Variants in KCNH2 observed in about 807,000 individuals in gnomAD.
KCNH2 encodes voltage-gated inwardly rectifying potassium channel KCNH2.
A neutral mutation model predicts 95.9 loss-of-function variants in KCNH2; 35 were observed. That is an observed-to-expected ratio of 0.37 (90% CI 0.28 to 0.48). The LOEUF is 0.48. KCNH2 is among the 20% of genes least tolerant of loss of function. The probability of loss-of-function intolerance (pLI) is 0.99; values close to 1 mark genes in which losing one functional copy is unlikely to be tolerated. For missense variants in KCNH2, 1,274 were observed against 1,702.9 expected (o/e 0.75, Z 4.43); for synonymous variants, 786 against 754.7 (o/e 1.04, Z -0.68).
chr7:150,969,764 A>G (rs1480447513), intron 2 of KCNH2, among the ~76,000 whole-genome samples: 4 of 152,082 alleles, frequency 2.6e-5, no homozygotes, highest in African/African-American at 9.7e-5. Context: ...GGGACAGGGA[A>G]CCTCCTCCAG....
intron 2 of KCNH2, among the ~76,000 whole-genome samples, chr7:150,965,556 G>T (rs1186732793): frequency 6.6e-6 from 1 of 152,124 alleles, no homozygotes; most frequent in Non-Finnish European, 1.5e-5. Context: ...CCCAGCTTCA[G>T]CCCTTCCCTC....
chr7:150,947,235 CACAG>C (rs1442883717), intron 13 of KCNH2, 89 bp downstream of exon 13: 10 of 1,210,784 alleles, frequency 8.3e-6, no homozygotes, highest in South Asian at 2.9e-5. Context: ...CTGCTGCACA[CACAG>C]ACAGGCCCTC....
At position 150,974,779 on chromosome 7, in the gene KCNH2, G is replaced by A. The variant is rs199473493; in HGVS notation, c.239C>T (p.Ala80Val). ...GCCCAGCAGTGCCTGCGCGATCTGC[G>A]CGGCAGCGCGGCGCTGCGTGCGCGG... is the stretch of plus-strand genomic sequence containing the variant. Reference protein sequence around the residue: ...HGPRTQRRAAAQIAQALLGAE... With the variant: ...HGPRTQRRAAVQIAQALLGAE... Residue 80 changes from alanine (A) to valine (V), a missense_variant, in exon 2 of 15, where the codon GCG (alanine) becomes GTG (valine). Ala to Val is a moderately conservative substitution (Grantham distance 64). Coordinates refer to ENST00000262186, the MANE Select transcript of KCNH2 (RefSeq NM_000238.4). The A allele has an allele frequency of 6.2e-7, 1 of 1,605,326 alleles. No individual in the cohort carries two copies. Among genetic ancestry groups the A allele is most frequent in the Admixed American group, 1.7e-5 (1 of 59,454 alleles).
At position 150,955,533 on chromosome 7, in the gene KCNH2, C is replaced by T. The variant is rs760221388; in HGVS notation, c.1128+1758G>A. On this transcript the variant is annotated intron_variant, in intron 5 of 14. Coordinates refer to ENST00000262186, the MANE Select transcript of KCNH2 (RefSeq NM_000238.4). ...GACTTGGCTCCCTGCAGCCTGCCTG[C>T]CCTGGGGCCTGAGGGCCCGGCCACT... is the stretch of plus-strand genomic sequence containing the variant. The T allele has an allele frequency of 5.2e-6, 8 of 1,530,416 alleles. No homozygotes were observed. The South Asian group carries it at 8.5e-5, about 16-fold the overall frequency. 94.8% of individuals were successfully genotyped at this position (1,530,416 alleles called of 1,614,324 possible).
Position 150,945,839 on chromosome 7 carries a change from G to C in KCNH2, c.3331-325C>G, listed in dbSNP as rs1249148164. Among the ~76,000 whole-genome samples, 6 of 152,210 alleles carry C rather than the reference G, an allele frequency of 3.9e-5. No homozygotes were observed. The highest frequency in any genetic ancestry group is 3.9e-4 in the Admixed American group (6 of 15,282). On this transcript the variant is annotated intron_variant, in intron 14 of 14. Transcript: ENST00000262186. The surrounding 1 kb of genome is among the most constrained non-coding windows in gnomAD (Gnocchi z 5.6). Reference sequence around the variant, plus strand: ...TGGCCGCTGAGCCCAACCCAACCTGGAACAAGCAGTCTCTGTGTTGGGACA... The same window carrying C: ...TGGCCGCTGAGCCCAACCCAACCTGCAACAAGCAGTCTCTGTGTTGGGACA...
chr7:150,947,184 G>T, intron 13 of KCNH2, 130 bp from the exon 14 acceptor site: 3 of 1,098,512 alleles, frequency 2.7e-6, no homozygotes, highest in Non-Finnish European at 3.9e-6. Context: ...TAGAGGTGTG[G>T]CAGCCCCCAG....
chr7:150,955,685 C>T, intron 5 of KCNH2: 2 of 1,376,182 alleles, frequency 1.5e-6, no homozygotes, highest in Non-Finnish European at 1.9e-6. Flanking sequence ...CTGGGGTCAC[C>T]CTGGCAGTAA....
rs777341700 is a variant in KCNH2 at position 150,950,910 on chromosome 7, G to C, written c.2145+11C>G. 3.1e-6 allele frequency: 5 copies of C among 1,613,224 alleles called. No homozygotes were observed. The highest frequency in any genetic ancestry group is 4.2e-6 in the Non-Finnish European group (5 of 1,179,540). On this transcript the variant is annotated intron_variant, in intron 8 of 14. Coordinates refer to ENST00000262186, the MANE Select transcript of KCNH2 (RefSeq NM_000238.4). ...GCCTGCCACCCACTGGCCACGCTCT[G>C]GTGGCCTCACCGCGTTCATGTCGAT...
At chr7:150,973,632 CTG>C (rs1472697248) in intron 2 of KCNH2, among the ~76,000 whole-genome samples, 1 of 152,210 alleles carries the variant, frequency 6.6e-6, no homozygotes, top group Admixed American at 6.5e-5. Context: ...ATGCCACAGA[CTG>C]TGCACGCCTG....
rs1044631780 is a variant in KCNH2 at position 150,955,782 on chromosome 7, C to T, written c.1128+1509G>A. ...CAGGGTGCCGTGCTCTGCCCGCCCG[C>T]CAGCCCAGCAGCGGCCGCACTCGGA... On this transcript the variant is annotated intron_variant, in intron 5 of 14. Transcript: ENST00000262186. 1.0e-5 allele frequency: 12 copies of T among 1,200,536 alleles called. No homozygotes were observed. In the Middle Eastern group the frequency reaches 9.9e-4, roughly 99 times the overall value. 74.4% of individuals were successfully genotyped at this position (1,200,536 alleles called of 1,614,324 possible). A position where few individuals can be genotyped will look rare whatever the true frequency, so the allele number is the denominator to read the frequency against.
intron 2 of KCNH2, among the ~76,000 whole-genome samples, chr7:150,965,637 G>A (rs1801683517): frequency 6.6e-6 from 1 of 152,136 alleles, no homozygotes. Context: ...CTCTAGAAAG[G>A]TTTCCTTGAC....
intron 10 of KCNH2, 136 bp from the exon 11 acceptor site, chr7:150,948,679 T>C (rs1584847464): frequency 4.6e-6 from 5 of 1,082,282 alleles, no homozygotes; most frequent in Middle Eastern, 4.0e-4. Context: ...CTGCCCCCAA[T>C]GTGATTTTGC....
At chr7:150,968,229 G>A (rs566604082) in intron 2 of KCNH2, among the ~76,000 whole-genome samples, 1 of 152,190 alleles carries the variant, frequency 6.6e-6, no homozygotes, top group Non-Finnish European at 1.5e-5. Flanking sequence ...CATGTCCCGC[G>A]ATCCAGCAAT....
intron 2 of KCNH2, among the ~76,000 whole-genome samples, chr7:150,966,053 C>T (rs1392619175): frequency 1.3e-5 from 2 of 152,190 alleles, no homozygotes; most frequent in African/African-American, 4.8e-5. Context: ...GCTGAGCACC[C>T]AGGAACCCAA....
chr7:150,951,140 G>A lies in KCNH2; in HGVS notation c.1946-20C>T, dbSNP rs751915754. The stretch of plus-strand genomic sequence containing the variant: ...TGAGGGCTGGGGGCGTGGGCACGTG[G>A]GGCCGTCAGCCTCTGCAGGGACCCC... On this transcript the variant is annotated intron_variant, in intron 7 of 14. Transcript: ENST00000262186. 6.3e-7 allele frequency: 1 copy of A among 1,582,734 alleles called. No individual in the cohort carries two copies.
rs1215984219 is a variant in KCNH2 at position 150,945,956 on chromosome 7, T to A, written c.3331-442A>T. On this transcript the variant is annotated intron_variant, in intron 14 of 14. Transcript: ENST00000262186. This position sits in a 1 kb window ranked among gnomAD's most constrained non-coding sequence, Gnocchi z 5.6. Reference sequence around the variant, plus strand: ...ACAGAGGCAGGCTGGCGGCCAGGCATCTGAAGGCCAGGGAGAGGGCCGGGG... The same window carrying A: ...ACAGAGGCAGGCTGGCGGCCAGGCAACTGAAGGCCAGGGAGAGGGCCGGGG... 6.6e-6 allele frequency among the ~76,000 whole-genome samples: 1 copy of A among 152,060 alleles called. No individual in the cohort carries two copies. The highest frequency in any genetic ancestry group is 1.9e-4 in the East Asian group (1 of 5,164).
In KCNH2 at chr7:150,974,721, G is replaced by A. The variant is rs1197382689; in HGVS notation, c.297C>T (p.Tyr99=). The A allele has an allele frequency of 2.5e-6, 4 of 1,598,922 alleles. No individual in the cohort carries two copies. Among genetic ancestry groups the A allele is most frequent in the South Asian group, 1.1e-5 (1 of 89,618 alleles). ...CCGGCCCGCTCCTACCATCTTTCCG[G>A]TAGAAGGCGATTTCCACTTTGCGCT... ...AEERKVEIAF[Y]RKDGSCFLCL... Residue 99 remains tyrosine, a synonymous_variant, in exon 2 of 15, where the codon TAC becomes TAT. Coordinates refer to ENST00000262186, the MANE Select transcript of KCNH2 (RefSeq NM_000238.4).
intron 2 of KCNH2, among the ~76,000 whole-genome samples, chr7:150,971,646 G>A (rs555224233): frequency 7.1e-4 from 107 of 151,728 alleles, no homozygotes; most frequent in African/African-American, 2.3e-3. Flanking sequence ...GTGCTGAGGC[G>A]AGGGAAGAAG....
At position 150,957,124 on chromosome 7, in the gene KCNH2, C is replaced by A. The variant is rs6968821; in HGVS notation, c.1128+167G>T. The stretch of plus-strand genomic sequence containing the variant: ...ACTTCTCAGACTGTCCCCTCTCCCC[C>A]CATCGCAGCTCTGGAATAGATTGCC... On this transcript the variant is annotated intron_variant, in intron 5 of 14. Transcript: ENST00000262186. Among the ~76,000 whole-genome samples the A allele has an allele frequency of 9.7e-3, 1,473 of 152,300 alleles. 28 individuals carry two copies. Among genetic ancestry groups the A allele is most frequent in the African/African-American group, 0.033 (1,379 of 41,558 alleles).
Sources: gnomAD v4.1 joint callset for allele counts (sites outside exome capture counted in the v4.1 genomes callset) on GRCh38, gnomAD v4.1.1 for gene constraint, Gnocchi (gnomAD v3.1) non-coding constraint, MANE v1.5 for transcripts, NCBI Gene and HGNC (gene_info 2026-07-23, HGNC 2026-07-21) for gene names.